Variants in RIMS1 observed in about 807,000 individuals in gnomAD.
The protein encoded by RIMS1 is regulating synaptic membrane exocytosis protein 1.
A neutral mutation model predicts 214.1 loss-of-function variants in RIMS1; 83 were observed. The ratio of observed to expected loss-of-function variants is 0.39; its 90% CI spans 0.32 to 0.47. The LOEUF is 0.47. RIMS1 is among the 20% of genes least tolerant of loss of function. The pLI, the probability that RIMS1 is intolerant of heterozygous loss-of-function variation, is 0.99. For synonymous variants in RIMS1, 793 were observed against 786.8 expected, an observed-to-expected ratio of 1.01 and a Z score of -0.13; for missense variants, 2,050 against 2,161.8, an observed-to-expected ratio of 0.95 and a Z score of 1.03.
intron 4 of RIMS1, among the ~76,000 whole-genome samples, chr6:72,125,944 T>C (rs1169238910): frequency 1.3e-5 from 2 of 152,204 alleles, no homozygotes; most frequent in African/African-American, 2.4e-5. Flanking sequence ...TTGCGCTTCC[T>C]GGGTGAGGCG....
chr6:71,905,637 A>C (rs2150517805), intron 1 of RIMS1, among the ~76,000 whole-genome samples: 1 of 152,314 alleles, frequency 6.6e-6, no homozygotes, highest in South Asian at 2.1e-4. Context: ...GATTTAAAAA[A>C]AATTAACTTG....
intron 2 of RIMS1, among the ~76,000 whole-genome samples, chr6:72,037,746 T>G (rs1262936547): frequency 6.6e-6 from 1 of 152,010 alleles, no homozygotes; most frequent in Non-Finnish European, 1.5e-5. Context: ...TGCTGGTCAA[T>G]AGTAGGCTTT....
intron 23 of RIMS1, among the ~76,000 whole-genome samples, chr6:72,278,195 C>CTATCTATG (rs1554419355): frequency 6.7e-6 from 1 of 149,522 alleles, no homozygotes; most frequent in African/African-American, 2.5e-5. Flanking sequence ...ATCTATCTAT[C>CTATCTATG]TATATATGAT....
intron 28 of RIMS1, among the ~76,000 whole-genome samples, chr6:72,331,249 T>C (rs1026443312): frequency 2.6e-5 from 4 of 151,798 alleles, no homozygotes; most frequent in Non-Finnish European, 4.4e-5. Flanking sequence ...GTGACTGATA[T>C]TAGAGATGGA....
chr6:71,999,967 T>A (rs765692294), intron 2 of RIMS1, among the ~76,000 whole-genome samples: 1 of 152,152 alleles, frequency 6.6e-6, no homozygotes, highest in African/African-American at 2.4e-5. Flanking sequence ...ATTGAAATAC[T>A]CTCTACCAGA....
intron 4 of RIMS1, among the ~76,000 whole-genome samples, chr6:72,154,198 T>C (rs1204127264): frequency 1.0e-5 from 1 of 96,132 alleles, no homozygotes; most frequent in Non-Finnish European, 2.7e-5. Flanking sequence ...TGGAAAAAGT[T>C]ATGTGTTTTA....
At chr6:72,321,011 G>A (rs1471372187) in intron 28 of RIMS1, among the ~76,000 whole-genome samples, 2 of 151,890 alleles carry the variant, frequency 1.3e-5, no homozygotes, top group East Asian at 1.9e-4. Context: ...CTCTCTTAAA[G>A]CATAGACATG....
At chr6:72,263,543 T>A (rs368757400) in intron 19 of RIMS1, 1 of 985,192 alleles carries the variant, frequency 1.0e-6, no homozygotes, top group African/African-American at 1.7e-5. Context: ...CCATTCTATG[T>A]TGATCCCATT....
At chr6:72,148,066 G>C (rs1377442656) in intron 4 of RIMS1, among the ~76,000 whole-genome samples, 1 of 152,136 alleles carries the variant, frequency 6.6e-6, no homozygotes, top group African/African-American at 2.4e-5. Flanking sequence ...AGATTGCTCA[G>C]CTAAATTTGT....
intron 18 of RIMS1, 72 bp from the exon 19 acceptor site, chr6:72,260,633 T>C: frequency 6.3e-7 from 1 of 1,581,256 alleles, no homozygotes. Context: ...CATGTTTTCA[T>C]TGGCATACCA....
At chr6:72,243,423 T>C (rs2067902741) in intron 10 of RIMS1, among the ~76,000 whole-genome samples, 1 of 151,758 alleles carries the variant, frequency 6.6e-6, no homozygotes, top group African/African-American at 2.4e-5. Flanking sequence ...TGGTTATTAT[T>C]AAGAGTGAAC....
intron 1 of RIMS1, among the ~76,000 whole-genome samples, chr6:71,952,644 G>A (rs77230544): frequency 0.017 from 2,640 of 152,292 alleles, 76 homozygotes; most frequent in African/African-American, 0.058. Context: ...AGGAAGTTTG[G>A]ATCTGCAATG....
intron 1 of RIMS1, among the ~76,000 whole-genome samples, chr6:71,944,782 T>C (rs1787274526): frequency 6.6e-6 from 1 of 152,174 alleles, no homozygotes; most frequent in Admixed American, 6.5e-5. Context: ...TCAACTAAAA[T>C]ATTACAATGT....
chr6:71,979,232 T>A (rs1217435198), intron 2 of RIMS1, among the ~76,000 whole-genome samples: 3 of 152,056 alleles, frequency 2.0e-5, no homozygotes, highest in Non-Finnish European at 4.4e-5. Context: ...TGTATGTGTA[T>A]GTAACTAAGG....
chr6:72,162,034 A>C lies in RIMS1; in HGVS notation c.472-17541A>C, dbSNP rs1489950784. The stretch of plus-strand genomic sequence containing the variant: ...TGTATGGGAGTCTAAGTCTCTTTGT[A>C]GGTGTCTAAGGACTTGCCTTATGAA... On this transcript the variant is annotated intron_variant, in intron 4 of 33. Coordinates refer to ENST00000521978, the MANE Select transcript of RIMS1 (RefSeq NM_014989.7). Among the ~76,000 whole-genome samples the C allele has an allele frequency of 1.4e-5, 2 of 140,430 alleles. 1 individual carries two copies. Among genetic ancestry groups the C allele is most frequent in the Admixed American group, 1.5e-4 (2 of 13,754 alleles). 92.1% of individuals were successfully genotyped at this position (140,430 alleles called of 152,430 possible).
At chr6:72,006,742 G>C (rs937662582) in intron 2 of RIMS1, among the ~76,000 whole-genome samples, 6 of 152,194 alleles carry the variant, frequency 3.9e-5, no homozygotes, top group Non-Finnish European at 7.3e-5. Flanking sequence ...ACAGCAGTCT[G>C]AAATCAAGCT....
intron 1 of RIMS1, among the ~76,000 whole-genome samples, chr6:71,963,363 G>A (rs982004135): frequency 2.6e-5 from 4 of 152,030 alleles, no homozygotes; most frequent in South Asian, 2.1e-4. Flanking sequence ...CATATGCCCC[G>A]GCAGGGTGGT....
intron 27 of RIMS1, among the ~76,000 whole-genome samples, chr6:72,310,419 G>T (rs141641866): frequency 2.6e-5 from 4 of 151,320 alleles, no homozygotes; most frequent in African/African-American, 4.9e-5. Flanking sequence ...TTTTATTGGT[G>T]GTATACAGAG....
At chr6:72,064,267 G>A (rs1828680883) in intron 2 of RIMS1, among the ~76,000 whole-genome samples, 1 of 151,978 alleles carries the variant, frequency 6.6e-6, no homozygotes. Context: ...GCAGTGAGCT[G>A]AGATCGTGCC....
Sources: allele counts gnomAD v4.1 joint callset (sites outside exome capture counted in the v4.1 genomes callset), GRCh38; gene constraint gnomAD v4.1.1; transcripts MANE v1.5; gene names NCBI Gene and HGNC (gene_info 2026-07-23, HGNC 2026-07-21).